Variants in PPP1R17 observed in about 807,000 individuals in gnomAD.
PPP1R17 encodes protein phosphatase 1 regulatory subunit 17.
Under a neutral mutation model 15.9 loss-of-function variants are expected in PPP1R17, and 12 were observed. That is an observed-to-expected ratio of 0.75 (90% CI 0.48 to 1.22). The LOEUF (loss-of-function observed/expected upper bound fraction) is 1.22, where lower values mean the gene tolerates loss of function less well. Among genes scored for constraint, PPP1R17 ranks in the 50% most tolerant of loss-of-function variants. The probability of loss-of-function intolerance (pLI) is 0.00; values close to 1 mark genes in which losing one functional copy is unlikely to be tolerated. For missense variants in PPP1R17, 211 were observed against 187.3 expected, an observed-to-expected ratio of 1.13 and a Z score of -0.74; for synonymous variants, 63 against 64.5, an observed-to-expected ratio of 0.98 and a Z score of 0.11.
chr7:31,705,729 T>C (rs1387076282), intron 4 of PPP1R17, among the ~76,000 whole-genome samples: 1 of 133,236 alleles, frequency 7.5e-6, no homozygotes, highest in Non-Finnish European at 1.7e-5. Context: ...TATGAAATGC[T>C]TCATGGACTG....
intron 4 of PPP1R17, among the ~76,000 whole-genome samples, chr7:31,706,968 C>G (rs1473389660): frequency 6.6e-6 from 1 of 152,182 alleles, no homozygotes; most frequent in African/African-American, 2.4e-5. Context: ...AAGGTTGCCT[C>G]TGACTTCCAG....
At chr7:31,699,782 TTTTA>T (rs1203680509) in intron 4 of PPP1R17, among the ~76,000 whole-genome samples, 3 of 152,144 alleles carry the variant, frequency 2.0e-5, no homozygotes, top group African/African-American at 7.2e-5. Flanking sequence ...CTGTTTAGAA[TTTTA>T]TTATTATTAT....
At chr7:31,697,171 C>A (rs1207946214) in intron 4 of PPP1R17, 54 bp downstream of exon 4, 2 of 1,588,996 alleles carry the variant, frequency 1.3e-6, no homozygotes. Context: ...AGGTCAAGAA[C>A]CTTACCATCT....
chr7:31,693,419 A>G (rs937677738), intron 2 of PPP1R17, among the ~76,000 whole-genome samples: 4 of 152,260 alleles, frequency 2.6e-5, no homozygotes, highest in Non-Finnish European at 4.4e-5. Flanking sequence ...AAGCTTTTAA[A>G]ATTGTGTTTG....
In PPP1R17 at chr7:31,705,458, C is replaced by A. The variant is rs113739974; in HGVS notation, c.389-1746C>A. ...TCCAAATCTCTGTGCAGCTGGTGTA[C>A]GAGAAATATCTCCCACTGTGTTTCA... On this transcript the variant is annotated intron_variant, in intron 4 of 4. Transcript: ENST00000342032. Among the ~76,000 whole-genome samples the A allele has an allele frequency of 5.2e-3, 776 of 149,064 alleles. 6 individuals are homozygous for A. The highest frequency in any genetic ancestry group is 0.019 in the African/African-American group (746 of 40,242).
Position 31,691,785 on chromosome 7 carries a change from G to C in PPP1R17, c.-36-621G>C, listed in dbSNP as rs994419615. ...CTCTTTACTTTATACAATAGTTGTA[G>C]AATGTAATGATTAAAAAAAAAAAAA... is the stretch of plus-strand genomic sequence containing the variant. On this transcript the variant is annotated intron_variant, in intron 1 of 4. Coordinates refer to ENST00000342032, the MANE Select transcript of PPP1R17 (RefSeq NM_006658.5). 5.5e-5 allele frequency among the ~76,000 whole-genome samples: 5 copies of C among 91,278 alleles called. No homozygotes were observed. The Admixed American group carries it at 8.2e-4, about 15-fold the overall frequency. 59.9% of individuals were successfully genotyped at this position (91,278 alleles called of 152,430 possible).
chr7:31,689,696 C>G (rs543632981), intron 1 of PPP1R17, among the ~76,000 whole-genome samples: 2 of 152,170 alleles, frequency 1.3e-5, no homozygotes, highest in East Asian at 1.9e-4. Flanking sequence ...TATCAATAAG[C>G]CAACACTAAA....
At chr7:31,691,951 T>C (rs1417740989) in intron 1 of PPP1R17, among the ~76,000 whole-genome samples, 1 of 152,180 alleles carries the variant, frequency 6.6e-6, no homozygotes, top group Non-Finnish European at 1.5e-5. Context: ...GGCTATTTAA[T>C]AGATGTGTGA....
intron 4 of PPP1R17, among the ~76,000 whole-genome samples, chr7:31,699,627 T>A (rs556207330): frequency 6.6e-6 from 1 of 152,212 alleles, no homozygotes; most frequent in South Asian, 2.1e-4. Context: ...TTTTGTGCTT[T>A]TCAGATATTG....
intron 4 of PPP1R17, 95 bp downstream of exon 4, chr7:31,697,212 C>T: frequency 2.0e-6 from 3 of 1,464,170 alleles, no homozygotes; most frequent in Non-Finnish European, 2.8e-6. Context: ...CGTTGTCCTG[C>T]CCCAGCAAGC....
chr7:31,694,515 C>T (rs558734316), intron 2 of PPP1R17, among the ~76,000 whole-genome samples: 1 of 151,914 alleles, frequency 6.6e-6, no homozygotes, highest in African/African-American at 2.4e-5. Flanking sequence ...GATAAGAGTC[C>T]ATGTTTGAAC....
intron 4 of PPP1R17, among the ~76,000 whole-genome samples, chr7:31,701,210 G>A (rs893765829): frequency 6.6e-6 from 1 of 152,196 alleles, no homozygotes; most frequent in African/African-American, 2.4e-5. Flanking sequence ...GTGACTCAAG[G>A]GAGGAGGTCA....
rs1364994919 is a variant in PPP1R17 at position 31,707,304 on chromosome 7, C to T, written c.*21C>T. ...TTTAAAGATAGTTCCCCTGAGACCA[C>T]TTGTAAATAGGTTAGATTGGTTCCC... On this transcript the variant is annotated 3_prime_UTR_variant, in exon 5 of 5. Coordinates refer to ENST00000342032, the MANE Select transcript of PPP1R17 (RefSeq NM_006658.5). 6.3e-7 allele frequency: 1 copy of T among 1,598,476 alleles called. No homozygotes were observed. The highest frequency in any genetic ancestry group is 1.7e-5 in the Admixed American group (1 of 59,624).
chr7:31,705,136 CTACTTTG>C (rs1170107800), intron 4 of PPP1R17, among the ~76,000 whole-genome samples: 3 of 152,186 alleles, frequency 2.0e-5, no homozygotes, highest in African/African-American at 7.2e-5. Context: ...ACAGCCCAGC[CTACTTTG>C]AGAAGGGCTG....
chr7:31,695,956 C>T, intron 3 of PPP1R17: 1 of 171,256 alleles, frequency 5.8e-6, no homozygotes, highest in East Asian at 1.6e-4. Context: ...TCACCACAAG[C>T]TTCCACAGTC....
chr7:31,703,157 C>G (rs1379275288), intron 4 of PPP1R17, among the ~76,000 whole-genome samples: 2 of 152,244 alleles, frequency 1.3e-5, no homozygotes, highest in Admixed American at 1.3e-4. Flanking sequence ...CTTGGCAGAG[C>G]TCTTGGCTAT....
intron 4 of PPP1R17, among the ~76,000 whole-genome samples, chr7:31,697,721 G>C (rs994149923): frequency 1.3e-5 from 2 of 152,178 alleles, no homozygotes; most frequent in Non-Finnish European, 2.9e-5. Context: ...ATTTTATACA[G>C]ATTGTTGTGT....
At chr7:31,699,941 G>C (rs902412918) in intron 4 of PPP1R17, among the ~76,000 whole-genome samples, 1 of 151,998 alleles carries the variant, frequency 6.6e-6, no homozygotes, top group Non-Finnish European at 1.5e-5. Flanking sequence ...CTGTTCCACT[G>C]ACAAACAATT....
rs764484890 is a variant in PPP1R17, at chr7:31,692,509, G to T, written c.68G>T (p.Arg23Leu). The change falls in exon 2 of 5, where the codon CGT becomes CTT. Residue 23 changes from arginine to leucine, a missense_variant. Transcript: ENST00000342032. ...GACAGACTGGACAAGCTAGACCCTC[G>T]TTGCAGCCACTTAGGTAAACAAATG... ...SEDRLDKLDP[R>L]CSHLDDLSDQ... 6.2e-7 allele frequency: 1 copy of T among 1,605,570 alleles called. No homozygotes were observed. Among genetic ancestry groups the T allele is most frequent in the Non-Finnish European group, 8.5e-7 (1 of 1,172,290 alleles).
Sources: allele counts gnomAD v4.1 joint callset (sites outside exome capture counted in the v4.1 genomes callset), GRCh38; gene constraint gnomAD v4.1.1; transcripts MANE v1.5; gene names NCBI Gene and HGNC (gene_info 2026-07-23, HGNC 2026-07-21).